MYO1B: variants seen among roughly 807,000 people sequenced by gnomAD.
MYO1B encodes myosin IB, also known as unconventional myosin-Ib.
A neutral mutation model predicts 159.7 loss-of-function variants in MYO1B; 72 were observed. The ratio of observed to expected loss-of-function variants is 0.45; its 90% CI spans 0.37 to 0.55. The LOEUF (loss-of-function observed/expected upper bound fraction) is 0.55. Ranked by LOEUF, MYO1B falls within the 20% of genes least tolerant of loss-of-function variation. MYO1B has a pLI of 0.00. For synonymous variants in MYO1B, 468 were observed against 473.8 expected, an observed-to-expected ratio of 0.99 and a Z score of 0.16; for missense variants, 1,062 against 1,364.8, an observed-to-expected ratio of 0.78 and a Z score of 3.50.
At chr2:191,351,046 C>T (rs1692887302) in intron 7 of MYO1B, among the ~76,000 whole-genome samples, 2 of 152,062 alleles carry the variant, frequency 1.3e-5, no homozygotes, top group Non-Finnish European at 2.9e-5. Context: ...GGGCTTTGTG[C>T]ACCTCAGCCA....
intron 4 of MYO1B, among the ~76,000 whole-genome samples, chr2:191,331,310 G>A (rs1325521686): frequency 4.8e-5 from 7 of 145,318 alleles, no homozygotes; most frequent in Non-Finnish European, 4.4e-5. Flanking sequence ...TAAACCACCT[G>A]GTGTAGGCTC....
At chr2:191,398,726 C>G (rs1696375216) in intron 21 of MYO1B, among the ~76,000 whole-genome samples, 1 of 151,532 alleles carries the variant, frequency 6.6e-6, no homozygotes, top group South Asian at 2.1e-4. Context: ...GGAAGAGGCG[C>G]TCCTCGCTTC....
intron 3 of MYO1B, among the ~76,000 whole-genome samples, chr2:191,322,534 G>A (rs949698834): frequency 1.3e-5 from 2 of 152,144 alleles, no homozygotes; most frequent in African/African-American, 4.8e-5. Flanking sequence ...GGGCAGACTT[G>A]AGGATGTCCA....
intron 20 of MYO1B, 128 bp from the exon 21 acceptor site, chr2:191,396,301 A>ATT: frequency 1.1e-6 from 1 of 881,840 alleles, no homozygotes; most frequent in South Asian, 1.6e-5. Flanking sequence ...TTCTTTATGT[A>ATT]TTGGTTTCCA....
chr2:191,415,729 C>G (rs142776195), intron 29 of MYO1B, among the ~76,000 whole-genome samples: 73 of 151,994 alleles, frequency 4.8e-4, no homozygotes, highest in African/African-American at 1.7e-3. Context: ...GTTTTTTAAT[C>G]AAGTCCTTCA....
chr2:191,322,526 G>C (rs183420382), intron 3 of MYO1B, among the ~76,000 whole-genome samples: 20 of 152,216 alleles, frequency 1.3e-4, no homozygotes, highest in African/African-American at 4.8e-4. Context: ...CCTGGGCGGG[G>C]CAGACTTGAG....
At chr2:191,262,500 T>C (rs1686877942) in intron 1 of MYO1B, among the ~76,000 whole-genome samples, 1 of 152,200 alleles carries the variant, frequency 6.6e-6, no homozygotes, top group South Asian at 2.1e-4. Flanking sequence ...GACCTCAGTT[T>C]TATCTTCCAT....
intron 3 of MYO1B, among the ~76,000 whole-genome samples, chr2:191,320,858 C>T (rs1436844120): frequency 3.3e-5 from 5 of 151,790 alleles, no homozygotes; most frequent in Admixed American, 1.3e-4. Flanking sequence ...AAAAAAAAAT[C>T]AGACAGTATG....
chr2:191,332,589 C>T (rs957378894), intron 4 of MYO1B, among the ~76,000 whole-genome samples: 2 of 152,096 alleles, frequency 1.3e-5, no homozygotes, highest in Non-Finnish European at 2.9e-5. Context: ...GCACTTATCA[C>T]GTGCTGGGCG....
intron 11 of MYO1B, among the ~76,000 whole-genome samples, chr2:191,364,830 G>A (rs1252321645): frequency 6.6e-6 from 1 of 152,178 alleles, no homozygotes; most frequent in Non-Finnish European, 1.5e-5. Context: ...AGAGGGTAGA[G>A]GCTACAGGAC....
intron 23 of MYO1B, 24 bp downstream of exon 23, chr2:191,400,859 A>T: frequency 6.2e-7 from 1 of 1,605,324 alleles, no homozygotes; most frequent in Non-Finnish European, 8.5e-7. Flanking sequence ...ATATCCCAAC[A>T]CTCCATCCTG....
rs1302274085 is a variant in MYO1B, at chr2:191,294,997, G to C, written c.136-1114G>C. On this transcript the variant is annotated intron_variant, in intron 2 of 30. Transcript: ENST00000392318. ...GGTGGTAATACTGGAAAAACTTGTTGCTCTAAAAATGGTACCTTTTGTGGG... is the reference window on the plus strand; with the variant it reads ...GGTGGTAATACTGGAAAAACTTGTTCCTCTAAAAATGGTACCTTTTGTGGG... Among the ~76,000 whole-genome samples the C allele has an allele frequency of 3.3e-5, 5 of 152,232 alleles. 1 individual carries two copies. The South Asian group carries it at 1.0e-3, about 32-fold the overall frequency.
chr2:191,385,770 C>T, intron 15 of MYO1B, 114 bp from the exon 16 acceptor site: 1 of 1,133,016 alleles, frequency 8.8e-7, no homozygotes, highest in South Asian at 1.5e-5. Flanking sequence ...TTTGTTATAA[C>T]TGAACAGACT....
chr2:191,298,290 A>G (rs950390140), intron 3 of MYO1B, among the ~76,000 whole-genome samples: 1 of 152,206 alleles, frequency 6.6e-6, no homozygotes, highest in Non-Finnish European at 1.5e-5. Context: ...AGATATTGCA[A>G]GTGTTCTTGT....
intron 11 of MYO1B, among the ~76,000 whole-genome samples, chr2:191,365,253 C>G (rs1340398798): frequency 6.6e-6 from 1 of 152,176 alleles, no homozygotes; most frequent in African/African-American, 2.4e-5. Flanking sequence ...CCACTCAGGC[C>G]CCCACTTTGT....
intron 4 of MYO1B, among the ~76,000 whole-genome samples, chr2:191,338,681 C>A (rs1464457307): frequency 6.6e-6 from 1 of 152,210 alleles, no homozygotes; most frequent in Non-Finnish European, 1.5e-5. Context: ...CCTCTAAGTT[C>A]ATCCTGGACC....
At chr2:191,423,250 G>A (rs1247436530) in intron 30 of MYO1B, among the ~76,000 whole-genome samples, 11 of 152,164 alleles carry the variant, frequency 7.2e-5, no homozygotes, top group African/African-American at 2.7e-4. Context: ...ATAGCCAACT[G>A]TTTATAGCAT....
At chr2:191,274,556 C>T (rs1019680016) in intron 1 of MYO1B, among the ~76,000 whole-genome samples, 8 of 152,130 alleles carry the variant, frequency 5.3e-5, no homozygotes, top group Non-Finnish European at 1.2e-4. Context: ...GTTGACTTCC[C>T]CCTTAATCCC....
Position 191,276,953 on chromosome 2 carries a change from A to T in MYO1B, c.58A>T (p.Met20Leu), listed in dbSNP as rs757426850. ...LLDNMIGVGD[M>L]VLLEPLNEET... is the part of the protein sequence containing the mutation. Reference sequence around the variant, plus strand: ...GGACAATATGATTGGAGTTGGGGATATGGTTCTTTTAGAACCTCTCAATGA... The same window carrying T: ...GGACAATATGATTGGAGTTGGGGATTTGGTTCTTTTAGAACCTCTCAATGA... Residue 20 changes from methionine to leucine, a missense_variant, in exon 2 of 31, where the codon ATG becomes TTG. By Grantham distance (15) the Met-to-Leu change is conservative (BLOSUM62 2). Transcript: ENST00000392318. 6.2e-7 allele frequency: 1 copy of T among 1,613,986 alleles called. No homozygotes were observed. Among genetic ancestry groups the T allele is most frequent in the African/African-American group, 1.3e-5 (1 of 74,932 alleles).
Sources: gnomAD v4.1 joint callset for allele counts (sites outside exome capture counted in the v4.1 genomes callset) on GRCh38, gnomAD v4.1.1 for gene constraint, MANE v1.5 for transcripts, NCBI Gene and HGNC (gene_info 2026-07-23, HGNC 2026-07-21) for gene names.